BAG1: variants seen among roughly 807,000 people sequenced by gnomAD.
BAG1 encodes the protein BAG cochaperone 1.
A neutral mutation model predicts 35.5 loss-of-function variants in BAG1; 35 were observed. The ratio of observed to expected loss-of-function variants is 0.99; its 90% CI spans 0.75 to 1.31. The LOEUF (loss-of-function observed/expected upper bound fraction) is 1.31, where lower values mean the gene tolerates loss of function less well. BAG1 is among the 50% of genes most tolerant of loss of function. The pLI is 0.00. For synonymous variants in BAG1, 191 were observed against 178.9 expected (o/e 1.07, Z -0.54); for missense variants, 464 against 453.6 (o/e 1.02, Z -0.21).
At chr9:33,260,283 C>T (rs1820540993) in intron 3 of BAG1, 1 of 152,246 alleles carries the variant, frequency 6.6e-6, no homozygotes, top group Admixed American at 6.5e-5. Context: ...TTCTCCCTGA[C>T]CCTGAAGCAA....
intron 2 of BAG1, chr9:33,261,936 G>A: frequency 1.0e-6 from 1 of 985,410 alleles, no homozygotes; most frequent in African/African-American, 1.7e-5. Flanking sequence ...AGAACAATGG[G>A]AGGCACTGGA....
At chr9:33,255,363 C>CCA (rs998720828) in intron 6 of BAG1, 55 bp from the exon 7 acceptor site, 5 of 1,612,178 alleles carry the variant, frequency 3.1e-6, no homozygotes, top group Non-Finnish European at 3.4e-6. Context: ...CGACCACTGC[C>CCA]CACACAAGGC....
chr9:33,262,235 T>A (rs1271139881), intron 2 of BAG1: 6 of 1,282,674 alleles, frequency 4.7e-6, no homozygotes, highest in Non-Finnish European at 6.1e-6. Flanking sequence ...TCAATAAATA[T>A]CTGTTGAAGA....
At position 33,261,104 on chromosome 9, in the gene BAG1, T is replaced by C. The variant is rs766845235; in HGVS notation, c.646A>G (p.Met216Val). Residue 216 changes from methionine (M) to valine (V), a missense_variant, in exon 3 of 7, where the codon ATG (methionine) becomes GTG (valine). Transcript: ENST00000634734. Reference sequence around the variant, plus strand: ...CAATTTACCTTTTTCCCAATTAACATGACCCGGCAACCATCTTGTATTCCA... The same window carrying C: ...CAATTTACCTTTTTCCCAATTAACACGACCCGGCAACCATCTTGTATTCCA... 1.9e-6 allele frequency: 3 copies of C among 1,608,622 alleles called. No homozygotes were observed. The highest frequency in any genetic ancestry group is 4.5e-5 in the East Asian group (2 of 44,694).
At position 33,255,231 on chromosome 9, in the gene BAG1, G is replaced by A; in HGVS notation, c.1026C>T (p.Ala342=). The change falls in exon 7 of 7, where the codon GCC becomes GCT. Residue 342 remains alanine (A), a synonymous_variant. Coordinates refer to ENST00000634734, the MANE Select transcript of BAG1 (RefSeq NM_004323.6). ...TTTCTGCTACACCTCACTCGGCCAGGGCAAAGTTTGTAGACTGCAGCCGCT... is the reference window on the plus strand; with the variant it reads ...TTTCTGCTACACCTCACTCGGCCAGAGCAAAGTTTGTAGACTGCAGCCGCT... 3 of 1,614,210 alleles carry A rather than the reference G, an allele frequency of 1.9e-6. No homozygotes were observed. The highest frequency in any genetic ancestry group is 1.7e-6 in the Non-Finnish European group (2 of 1,180,040).
chr9:33,262,832 TG>T lies in BAG1; in HGVS notation c.452-3del. The T allele has an allele frequency of 6.2e-7, 1 of 1,610,402 alleles. No individual in the cohort carries two copies. The highest frequency in any genetic ancestry group is 8.5e-7 in the Non-Finnish European group (1 of 1,178,876). On this transcript the variant is annotated splice_region_variant and splice_polypyrimidine_tract_variant and intron_variant, in intron 1 of 6. Transcript: ENST00000634734. ...CATGAAGGTCGTGCTTCTCATTGCC[TG>T]GGGAGAAAGAAAAGCATTTGACGAA...
At chr9:33,258,755 G>T (rs902786007) in intron 4 of BAG1, among the ~76,000 whole-genome samples, 165 bp downstream of exon 4, 8 of 152,212 alleles carry the variant, frequency 5.3e-5, no homozygotes, top group Admixed American at 1.3e-4. Context: ...CATTTTTACA[G>T]ATGAGGAACT....
chr9:33,256,847 G>A lies in BAG1; in HGVS notation c.839C>T (p.Ala280Val). Residue 280 changes from alanine (A) to valine (V), a missense_variant, in exon 5 of 7, where the codon GCC (alanine) becomes GTC (valine). By Grantham distance (64) the Ala-to-Val change is moderately conservative. Coordinates refer to ENST00000634734, the MANE Select transcript of BAG1 (RefSeq NM_004323.6). ...GATCTTCATAAACTGCTCTATTGTG[G>A]CTTTTACTCTCCTATCAAGTTTGCA... 6.2e-7 allele frequency: 1 copy of A among 1,614,112 alleles called. No individual in the cohort carries two copies. The highest frequency in any genetic ancestry group is 8.5e-7 in the Non-Finnish European group (1 of 1,180,014).
intron 2 of BAG1, chr9:33,261,900 A>C: frequency 1.1e-5 from 11 of 985,396 alleles, no homozygotes; most frequent in Non-Finnish European, 1.3e-5. Flanking sequence ...GCCTCAGGTA[A>C]GTTTGCTCAA....
rs188163329 is a variant in BAG1 at position 33,253,372 on chromosome 9, A to G, written c.*1847T>C. The G allele has an allele frequency of 3.2e-4, 48 of 152,312 alleles. No homozygotes were observed. Among genetic ancestry groups the G allele is most frequent in the Admixed American group, 1.8e-3 (28 of 15,296 alleles). The allele number at this position is 152,312 out of a possible 1,614,324, so 9.4% of individuals were successfully genotyped here. On this transcript the variant is annotated 3_prime_UTR_variant, in exon 7 of 7. Coordinates refer to ENST00000634734, the MANE Select transcript of BAG1 (RefSeq NM_004323.6). The stretch of plus-strand genomic sequence containing the variant: ...TGGTTTCCTCATCTCTAAAATAAGG[A>G]TATCTGTCTACCTCTCAAGTTATGT...
At chr9:33,259,388 C>T (rs1028971627) in intron 3 of BAG1, 3 of 160,846 alleles carry the variant, frequency 1.9e-5, no homozygotes, top group Admixed American at 6.3e-5. Flanking sequence ...AAAGAAAAAG[C>T]AATCAACAAG....
intron 3 of BAG1, among the ~76,000 whole-genome samples, chr9:33,260,764 G>A (rs1443839786): frequency 6.6e-6 from 1 of 152,194 alleles, no homozygotes. Context: ...AAAGACTCTT[G>A]CAAATTCTAC....
In BAG1 at chr9:33,256,910, T is replaced by C; in HGVS notation, c.778-2A>G. 1 of 1,612,930 alleles carries C rather than the reference T, an allele frequency of 6.2e-7. No homozygotes were observed. The highest frequency in any genetic ancestry group is 8.5e-7 in the Non-Finnish European group (1 of 1,178,920). ...TTGCAAATCCTTGGGCAGAAAACCC[T>C]GCGGGGAAATAATGCATTATTGCAA... On this transcript the variant is annotated splice_acceptor_variant, in intron 4 of 6. Coordinates refer to ENST00000634734, the MANE Select transcript of BAG1 (RefSeq NM_004323.6). LOFTEE classifies it high-confidence loss of function.
intron 5 of BAG1, among the ~76,000 whole-genome samples, chr9:33,256,315 T>G (rs750151005): frequency 6.6e-6 from 1 of 152,246 alleles, no homozygotes; most frequent in Non-Finnish European, 1.5e-5. Flanking sequence ...AAGTACACAG[T>G]GCAGTTCACC....
rs1337365021 is a variant in BAG1, at chr9:33,254,303, A to G, written c.*916T>C. The G allele has an allele frequency of 1.7e-5, 2 of 120,872 alleles. No individual in the cohort carries two copies. Among genetic ancestry groups the G allele is most frequent in the African/African-American group, 6.2e-5 (2 of 32,344 alleles). The allele number at this position is 120,872 out of a possible 1,614,324, so 7.5% of individuals were successfully genotyped here. Reference sequence around the variant, plus strand: ...GCCAGGCCTTAATTTTTTAAAAACAATGATGGGGTGGGGGTGGGGGACAGT... The same window carrying G: ...GCCAGGCCTTAATTTTTTAAAAACAGTGATGGGGTGGGGGTGGGGGACAGT... On this transcript the variant is annotated 3_prime_UTR_variant, in exon 7 of 7. Transcript: ENST00000634734.
At chr9:33,262,922 A>T in intron 1 of BAG1, 92 bp from the exon 2 acceptor site, 1 of 1,533,774 alleles carries the variant, frequency 6.5e-7, no homozygotes, top group Non-Finnish European at 8.8e-7. Context: ...CCCAGCCTTC[A>T]AGGCCCAGCT....
intron 4 of BAG1, among the ~76,000 whole-genome samples, chr9:33,258,298 C>CAAAAAAAAAAAAAAAAAAAAAAAAAA (rs10591225): frequency 1.6e-5 from 1 of 63,348 alleles, no homozygotes; most frequent in Non-Finnish European, 2.5e-5. Flanking sequence ...GACTCCATAT[C>CAAAAAAAAAAAAAAAAAAAAAAAAAA]AAAAAAAAAA....
chr9:33,255,214 A>C lies in BAG1; in HGVS notation c.*5T>G, dbSNP rs1316583943. ...CAGGGCAGCACAGCCTTTTTCTGCT[A>C]CACCTCACTCGGCCAGGGCAAAGTT... On this transcript the variant is annotated 3_prime_UTR_variant, in exon 7 of 7. Transcript: ENST00000634734. 6.2e-7 allele frequency: 1 copy of C among 1,614,204 alleles called. No individual in the cohort carries two copies. Among genetic ancestry groups the C allele is most frequent in the Admixed American group, 1.7e-5 (1 of 60,022 alleles).
At chr9:33,260,911 G>A (rs565983066) in intron 3 of BAG1, among the ~76,000 whole-genome samples, 176 bp downstream of exon 3, 2 of 152,282 alleles carry the variant, frequency 1.3e-5, no homozygotes, top group Admixed American at 1.3e-4. Flanking sequence ...AGGAGCAGGA[G>A]GGTATGAGAA....
Sources: gnomAD v4.1 joint callset for allele counts (sites outside exome capture counted in the v4.1 genomes callset) on GRCh38, gnomAD v4.1.1 for gene constraint, MANE v1.5 for transcripts, NCBI Gene and HGNC (gene_info 2026-07-23, HGNC 2026-07-21) for gene names.